Variants in ADAM19 observed in about 807,000 individuals in gnomAD.
ADAM19 encodes the protein disintegrin and metalloproteinase domain-containing protein 19.
In ADAM19, 65 loss-of-function variants were observed where a neutral mutation model predicts 114.7. That is an observed-to-expected ratio of 0.57 (90% CI 0.46 to 0.70). The LOEUF (loss-of-function observed/expected upper bound fraction) is 0.70. Among genes scored for constraint, ADAM19 ranks in the 30% least tolerant of loss-of-function variants. The pLI is 0.00. For synonymous variants in ADAM19, 466 were observed against 460.5 expected, an observed-to-expected ratio of 1.01 and a Z score of -0.15; for missense variants, 1,063 against 1,204.7, an observed-to-expected ratio of 0.88 and a Z score of 1.74.
At chr5:157,529,057 C>T (rs1445469095) in intron 5 of ADAM19, among the ~76,000 whole-genome samples, 2 of 152,228 alleles carry the variant, frequency 1.3e-5, no homozygotes, top group African/African-American at 4.8e-5. Flanking sequence ...CCTTCAATAA[C>T]ATCACATCGG....
At chr5:157,503,900 G>A (rs1755649810) in intron 11 of ADAM19, among the ~76,000 whole-genome samples, 2 of 152,170 alleles carry the variant, frequency 1.3e-5, no homozygotes, top group South Asian at 4.1e-4. Flanking sequence ...GGAAGGTCCT[G>A]GGTCCCACCA....
chr5:157,492,190 G>A (rs947622038), intron 16 of ADAM19, among the ~76,000 whole-genome samples: 4 of 152,332 alleles, frequency 2.6e-5, no homozygotes, highest in Middle Eastern at 6.8e-3. Context: ...TACTCGGGAA[G>A]CTGAGGCAGG....
In ADAM19 at chr5:157,478,452, T is replaced by C; in HGVS notation, c.*2497A>G. The C allele has an allele frequency of 1.8e-6, 1 of 551,766 alleles. No homozygotes were observed. The highest frequency in any genetic ancestry group is 2.3e-6 in the Non-Finnish European group (1 of 433,778). The allele number at this position is 551,766 out of a possible 1,614,324, so 34.2% of individuals were successfully genotyped here. A position where few individuals can be genotyped will look rare whatever the true frequency, so the allele number is the denominator to read the frequency against. ...TCGGTCGGTCTGAGCCTTTTCACTA[T>C]TCCCATAAGGCCCCTTCCTCTCCCT... On this transcript the variant is annotated 3_prime_UTR_variant, in exon 23 of 23. Coordinates refer to ENST00000257527, the MANE Select transcript of ADAM19 (RefSeq NM_033274.5).
At chr5:157,506,208 C>T (rs1755737899) in intron 10 of ADAM19, among the ~76,000 whole-genome samples, 1 of 152,130 alleles carries the variant, frequency 6.6e-6, no homozygotes, top group South Asian at 2.1e-4. Context: ...CTTAGTGTTT[C>T]CTGAGAAAAC....
chr5:157,503,571 G>A (rs1027688409), intron 11 of ADAM19, among the ~76,000 whole-genome samples: 4 of 152,064 alleles, frequency 2.6e-5, no homozygotes, highest in African/African-American at 9.7e-5. Context: ...TAGTCGGCAT[G>A]CAGAAAGCAT....
rs373179530 is a variant in ADAM19, at chr5:157,533,267, A to T, written c.331-2384T>A. ...ATAGTCAGGAGGAGGGACAGAGCCA[A>T]CCCCTGTCTTTGCATCAAACTCTTC... On this transcript the variant is annotated intron_variant, in intron 4 of 22. Coordinates refer to ENST00000257527, the MANE Select transcript of ADAM19 (RefSeq NM_033274.5). Among the ~76,000 whole-genome samples, 12 of 152,314 alleles carry T rather than the reference A, an allele frequency of 7.9e-5. 1 individual carries two copies. The highest frequency in any genetic ancestry group is 6.5e-4 in the Admixed American group (10 of 15,298).
chr5:157,521,861 G>GAGTTTC (rs1369097141), intron 5 of ADAM19, among the ~76,000 whole-genome samples: 1 of 152,172 alleles, frequency 6.6e-6, no homozygotes, highest in African/African-American at 2.4e-5. Context: ...TCCCCTAACG[G>GAGTTTC]CTACACACTT....
intron 8 of ADAM19, among the ~76,000 whole-genome samples, chr5:157,513,039 A>C (rs761181565): frequency 1.3e-5 from 2 of 152,218 alleles, no homozygotes; most frequent in African/African-American, 2.4e-5. Context: ...AGGGGTCAGA[A>C]GGACAGTGTT....
In ADAM19 at chr5:157,501,894, C is replaced by A. The variant is rs1488013172; in HGVS notation, c.1308+909G>T. ...CAAAACTCTGTCTCTGCTAAAAGTA[C>A]AAAAAAAAAAAAATTAACCAGGTGT... On this transcript the variant is annotated intron_variant, in intron 12 of 22. Coordinates refer to ENST00000257527, the MANE Select transcript of ADAM19 (RefSeq NM_033274.5). 7.6e-3 allele frequency among the ~76,000 whole-genome samples: 1,081 copies of A among 141,690 alleles called. 15 individuals carry two copies. The highest frequency in any genetic ancestry group is 0.025 in the African/African-American group (955 of 38,412). 93.0% of individuals were successfully genotyped at this position (141,690 alleles called of 152,430 possible).
At chr5:157,527,519 C>T (rs1202934551) in intron 5 of ADAM19, among the ~76,000 whole-genome samples, 1 of 152,160 alleles carries the variant, frequency 6.6e-6, no homozygotes, top group Non-Finnish European at 1.5e-5. Context: ...CAGAAACTGA[C>T]ACTTTTAAAC....
chr5:157,567,086 C>T (rs905975657), intron 2 of ADAM19, among the ~76,000 whole-genome samples: 3 of 152,300 alleles, frequency 2.0e-5, no homozygotes. Flanking sequence ...AGTAGGTCAC[C>T]TGTTCTGCCA....
chr5:157,504,127 C>T (rs886552906), intron 11 of ADAM19, among the ~76,000 whole-genome samples: 2 of 152,226 alleles, frequency 1.3e-5, no homozygotes, highest in African/African-American at 2.4e-5. Context: ...ATCAATATAA[C>T]TCTCAATCAT....
At chr5:157,526,409 T>TA (rs1441836069) in intron 5 of ADAM19, among the ~76,000 whole-genome samples, 1 of 152,162 alleles carries the variant, frequency 6.6e-6, no homozygotes. Context: ...AAAAAATTTT[T>TA]AAAAAAGTAA....
chr5:157,532,675 C>A (rs571924304), intron 4 of ADAM19, among the ~76,000 whole-genome samples: 2 of 152,260 alleles, frequency 1.3e-5, no homozygotes, highest in Admixed American at 1.3e-4. Flanking sequence ...TCTTTTCCCC[C>A]ATCTCTAGGA....
At chr5:157,536,639 C>A (rs889518686) in intron 4 of ADAM19, among the ~76,000 whole-genome samples, 5 of 152,154 alleles carry the variant, frequency 3.3e-5, no homozygotes, top group African/African-American at 9.7e-5. Context: ...CACACACACA[C>A]ACACAAAATT....
chr5:157,572,247 G>A (rs1160151034), intron 1 of ADAM19: 10 of 454,914 alleles, frequency 2.2e-5, no homozygotes, highest in East Asian at 7.0e-5. Flanking sequence ...CACCACACCC[G>A]GCTAATTTTT....
chr5:157,508,267 A>C (rs2113724262), intron 9 of ADAM19, among the ~76,000 whole-genome samples: 1 of 152,376 alleles, frequency 6.6e-6, no homozygotes, highest in East Asian at 1.9e-4. Context: ...AGGATAAGCC[A>C]AAGTTTAAAT....
In ADAM19 at chr5:157,479,372, A is replaced by G; in HGVS notation, c.*1577T>C. The G allele has an allele frequency of 1.0e-6, 1 of 986,120 alleles. No homozygotes were observed. The highest frequency in any genetic ancestry group is 4.7e-5 in the South Asian group (1 of 21,292). The allele number at this position is 986,120 out of a possible 1,614,324, so 61.1% of individuals were successfully genotyped here. On this transcript the variant is annotated 3_prime_UTR_variant, in exon 23 of 23. Coordinates refer to ENST00000257527, the MANE Select transcript of ADAM19 (RefSeq NM_033274.5). ...CCTCAGCCTTGCAGTGAGGTTTTCA[A>G]GAGCAAACAATTGCTCATGGCAGGA... is the stretch of plus-strand genomic sequence containing the variant.
In ADAM19 at chr5:157,507,137, G is replaced by A; in HGVS notation, c.909C>T (p.Gly303=). 6.2e-7 allele frequency: 1 copy of A among 1,613,884 alleles called. No homozygotes were observed. Among genetic ancestry groups the A allele is most frequent in the Non-Finnish European group, 8.5e-7 (1 of 1,179,854 alleles). The stretch of plus-strand genomic sequence containing the variant: ...CGATGGTGGTGCCGTGGAAGGACAT[G>A]CCCCTGCAGGAGGCAAGGAGAGACG... ...KYHDNAQLIT[G]MSFHGTTIGL... The change falls in exon 10 of 23, where the codon GGC becomes GGT. Residue 303 remains glycine, a synonymous_variant. Transcript: ENST00000257527.
Sources: allele counts gnomAD v4.1 joint callset (sites outside exome capture counted in the v4.1 genomes callset), GRCh38; gene constraint gnomAD v4.1.1; transcripts MANE v1.5; gene names NCBI Gene and HGNC (gene_info 2026-07-23, HGNC 2026-07-21).